SLC8A1: variants seen among roughly 807,000 people sequenced by gnomAD.
The protein encoded by SLC8A1 is solute carrier family 8 member A1, also known as sodium/calcium exchanger 1.
In SLC8A1, 18 loss-of-function variants were observed where a neutral mutation model predicts 68.3. The ratio of observed to expected loss-of-function variants is 0.26; its 90% CI spans 0.18 to 0.39. SLC8A1 has a LOEUF of 0.39. SLC8A1 is among the 10% of genes least tolerant of loss of function. The pLI is 1.00. For missense variants in SLC8A1, 985 were observed against 1,156.7 expected, an observed-to-expected ratio of 0.85 and a Z score of 2.15; for synonymous variants, 475 against 415.5, an observed-to-expected ratio of 1.14 and a Z score of -1.74.
At chr2:40,133,705 C>A (rs571340613) in intron 7 of SLC8A1, among the ~76,000 whole-genome samples, 58 of 57,352 alleles carry the variant, frequency 1.0e-3, no homozygotes, top group African/African-American at 3.6e-3. Flanking sequence ...CAAAAATCCC[C>A]CCCCCCCACC....
At chr2:40,416,359 A>G (rs1020422689) in intron 2 of SLC8A1, among the ~76,000 whole-genome samples, 22 of 152,296 alleles carry the variant, frequency 1.4e-4, no homozygotes, top group Admixed American at 1.2e-3. Context: ...AGACTCACTA[A>G]GAAACAAAGA....
chr2:40,269,453 A>G (rs1314926880), intron 2 of SLC8A1, among the ~76,000 whole-genome samples: 1 of 152,210 alleles, frequency 6.6e-6, no homozygotes, highest in Non-Finnish European at 1.5e-5. Flanking sequence ...AGCAAAGGTC[A>G]ATGGAAAGGT....
intron 2 of SLC8A1, among the ~76,000 whole-genome samples, chr2:40,266,710 T>G (rs1389826953): frequency 6.6e-6 from 1 of 152,178 alleles, no homozygotes; most frequent in Non-Finnish European, 1.5e-5. Flanking sequence ...CATGGATCAT[T>G]GCTCACTTTC....
chr2:40,346,766 A>C (rs1669470159), intron 2 of SLC8A1, among the ~76,000 whole-genome samples: 1 of 152,118 alleles, frequency 6.6e-6, no homozygotes, highest in Admixed American at 6.5e-5. Context: ...ATTTACAGAG[A>C]ATAAACTAAA....
rs534890697 is a variant in SLC8A1 at position 40,386,418 on chromosome 2, G to T, written c.1808+42055C>A. Among the ~76,000 whole-genome samples the T allele has an allele frequency of 2.0e-4, 30 of 151,000 alleles. 1 individual carries two copies. The highest frequency in any genetic ancestry group is 6.2e-4 in the African/African-American group (25 of 40,578). ...CTTCCTCTCAGACCTTGGGACAAAG[G>T]TCTGAGAAATAATATGAGGCTTTTA... On this transcript the variant is annotated intron_variant, in intron 2 of 7. Transcript: ENST00000406785.
chr2:40,152,317 A>G (rs1275408648), intron 6 of SLC8A1, among the ~76,000 whole-genome samples: 1 of 152,220 alleles, frequency 6.6e-6, no homozygotes, highest in East Asian at 1.9e-4. Context: ...TACAGGTTAG[A>G]AAAACCTCCA....
intron 1 of SLC8A1, among the ~76,000 whole-genome samples, chr2:40,485,334 A>C (rs911696577): frequency 2.6e-5 from 4 of 152,200 alleles, no homozygotes; most frequent in African/African-American, 7.2e-5. Context: ...ACATTTTCCT[A>C]CTTATTGGCC....
intron 2 of SLC8A1, among the ~76,000 whole-genome samples, chr2:40,425,473 T>C (rs1696616281): frequency 1.3e-5 from 2 of 151,880 alleles, no homozygotes; most frequent in African/African-American, 4.8e-5. Context: ...CTTCTTAAAA[T>C]TAGCCTTTAA....
intron 2 of SLC8A1, among the ~76,000 whole-genome samples, chr2:40,298,913 C>G (rs1457061842): frequency 1.3e-5 from 2 of 152,148 alleles, no homozygotes; most frequent in Non-Finnish European, 1.5e-5. Flanking sequence ...AATTCGCCTT[C>G]CCCTCCTTGC....
At chr2:40,355,786 T>C (rs1672483795) in intron 2 of SLC8A1, among the ~76,000 whole-genome samples, 1 of 152,196 alleles carries the variant, frequency 6.6e-6, no homozygotes, top group South Asian at 2.1e-4. Flanking sequence ...GTTCTGTTTC[T>C]TTGGCATTTG....
intron 2 of SLC8A1, chr2:40,251,919 A>G (rs1010983494): frequency 1.3e-5 from 2 of 151,940 alleles, no homozygotes; most frequent in Non-Finnish European, 2.9e-5. Flanking sequence ...TGTAGATACA[A>G]GTAGTCTCAG....
chr2:40,303,125 A>C (rs903080833), intron 2 of SLC8A1, among the ~76,000 whole-genome samples: 3 of 152,180 alleles, frequency 2.0e-5, no homozygotes, highest in Non-Finnish European at 4.4e-5. Context: ...TTCATTTTGG[A>C]TAAGTGATGA....
chr2:40,441,064 A>T (rs969354902), intron 1 of SLC8A1, among the ~76,000 whole-genome samples: 4 of 152,218 alleles, frequency 2.6e-5, no homozygotes, highest in African/African-American at 9.6e-5. Context: ...TTAAGCTGAC[A>T]AGCAACTTCA....
intron 4 of SLC8A1, among the ~76,000 whole-genome samples, chr2:40,168,172 A>C (rs1286953774): frequency 6.6e-6 from 1 of 152,180 alleles, no homozygotes; most frequent in Non-Finnish European, 1.5e-5. Context: ...GGCAACTTCT[A>C]GGCATGATAA....
At chr2:40,482,093 G>A (rs1303110597) in intron 1 of SLC8A1, among the ~76,000 whole-genome samples, 1 of 152,156 alleles carries the variant, frequency 6.6e-6, no homozygotes, top group African/African-American at 2.4e-5. Flanking sequence ...ATTGTGGTAA[G>A]AATGCTTAAT....
At chr2:40,291,716 C>G (rs189443624) in intron 2 of SLC8A1, among the ~76,000 whole-genome samples, 5 of 152,088 alleles carry the variant, frequency 3.3e-5, no homozygotes, top group Admixed American at 1.3e-4. Context: ...GAATAACTTC[C>G]AATGTCTCTC....
At chr2:40,485,767 A>G (rs1292079760) in intron 1 of SLC8A1, among the ~76,000 whole-genome samples, 3 of 152,190 alleles carry the variant, frequency 2.0e-5, no homozygotes, top group Non-Finnish European at 4.4e-5. Context: ...AACTTCACCA[A>G]TCATGGAATT....
chr2:40,374,684 AGCCTG>A (rs956387547), intron 2 of SLC8A1, among the ~76,000 whole-genome samples: 3 of 152,120 alleles, frequency 2.0e-5, no homozygotes, highest in African/African-American at 7.2e-5. Flanking sequence ...TAACTTTCCC[AGCCTG>A]GCCTGACACA....
At chr2:40,478,093 T>C (rs1704402607) in intron 1 of SLC8A1, among the ~76,000 whole-genome samples, 1 of 152,182 alleles carries the variant, frequency 6.6e-6, no homozygotes, top group Non-Finnish European at 1.5e-5. Flanking sequence ...CTTTTTTTCT[T>C]TTTCTTCCTG....
Sources: gnomAD v4.1 joint callset for allele counts (sites outside exome capture counted in the v4.1 genomes callset) on GRCh38, gnomAD v4.1.1 for gene constraint, MANE v1.5 for transcripts, NCBI Gene and HGNC (gene_info 2026-07-23, HGNC 2026-07-21) for gene names.